The following ARHGEF10L variants were observed in gnomAD, a reference collection of about 807,000 sequenced individuals.
ARHGEF10L encodes Rho guanine nucleotide exchange factor 10 like, also known as rho guanine nucleotide exchange factor 10-like protein.
Under a neutral mutation model 141.2 loss-of-function variants are expected in ARHGEF10L, and 69 were observed. That is an observed-to-expected ratio of 0.49 (90% CI 0.40 to 0.60). ARHGEF10L has a LOEUF of 0.60. ARHGEF10L is among the 20% of genes least tolerant of loss of function. The pLI is 0.00. For synonymous variants in ARHGEF10L, 711 were observed against 718.5 expected, an observed-to-expected ratio of 0.99 and a Z score of 0.17; for missense variants, 1,482 against 1,734.3, an observed-to-expected ratio of 0.85 and a Z score of 2.58.
At chr1:17,663,601 C>T (rs1456838118) in intron 25 of ARHGEF10L, among the ~76,000 whole-genome samples, 1 of 151,486 alleles carries the variant, frequency 6.6e-6, no homozygotes, top group Non-Finnish European at 1.5e-5. Context: ...CCTCACCTGG[C>T]AGCAGTGGTG....
At chr1:17,618,483 C>T (rs752268096) in intron 9 of ARHGEF10L, 46 of 1,465,362 alleles carry the variant, frequency 3.1e-5, no homozygotes, top group South Asian at 8.3e-5. Context: ...CGCCGTCATC[C>T]GCTGTCCCTC....
intron 4 of ARHGEF10L, among the ~76,000 whole-genome samples, chr1:17,598,361 C>T (rs1171303814): frequency 6.6e-6 from 1 of 152,180 alleles, no homozygotes; most frequent in African/African-American, 2.4e-5. Flanking sequence ...CTTAACCTTC[C>T]GAAGTTCAGG....
intron 26 of ARHGEF10L, among the ~76,000 whole-genome samples, chr1:17,682,672 C>T (rs548744849): frequency 6.6e-6 from 1 of 152,136 alleles, no homozygotes; most frequent in South Asian, 2.1e-4. Flanking sequence ...TGAGCGCTCA[C>T]CCAGTAAATA....
chr1:17,684,314 C>T (rs1295919861), intron 26 of ARHGEF10L, among the ~76,000 whole-genome samples: 1 of 152,174 alleles, frequency 6.6e-6, no homozygotes, highest in African/African-American at 2.4e-5. Context: ...ACATACATCG[C>T]AGGAAGAGAG....
the ARHGEF10L span, among the ~76,000 whole-genome samples, chr1:17,532,478 G>T: frequency 6.6e-6 from 1 of 152,168 alleles, no homozygotes; most frequent in Admixed American, 6.5e-5. Flanking sequence ...GGCCCCCTGG[G>T]GCCTGTGGGG....
intron 22 of ARHGEF10L, among the ~76,000 whole-genome samples, chr1:17,650,732 CAAAAAAAAAAAA>C (rs71575854): frequency 3.0e-4 from 23 of 77,896 alleles, no homozygotes; most frequent in African/African-American, 1.2e-3. Context: ...GACCCTGTCT[CAAAAAAAAAAAA>C]AAAAAAAAAA....
At position 17,639,792 on chromosome 1, in the gene ARHGEF10L, G is replaced by T. The variant is rs750814861; in HGVS notation, c.2172-410G>T. 10 of 1,229,982 alleles carry T rather than the reference G, an allele frequency of 8.1e-6. No homozygotes were observed. Among genetic ancestry groups the T allele is most frequent in the Non-Finnish European group, 7.5e-6 (7 of 930,150 alleles). The allele number at this position is 1,229,982 out of a possible 1,614,324, so 76.2% of individuals were successfully genotyped here. On this transcript the variant is annotated intron_variant, in intron 20 of 28. Transcript: ENST00000361221. The surrounding 1 kb of genome is among the most constrained non-coding windows in gnomAD (Gnocchi z 4.3). Reference sequence around the variant, plus strand: ...ACTGAGCAACTGTCCCATGCCAGGTGCTGGGAACAGACCCAAGTGAGACCC... The same window carrying T: ...ACTGAGCAACTGTCCCATGCCAGGTTCTGGGAACAGACCCAAGTGAGACCC...
rs2060094955 is a variant in ARHGEF10L at position 17,621,279 on chromosome 1, C to A, written c.943-585C>A. On this transcript the variant is annotated intron_variant, in intron 10 of 28. Transcript: ENST00000361221. The surrounding 1 kb of genome is among the most constrained non-coding windows in gnomAD (Gnocchi z 4.1). ...ATGGAGTCTTGCTCTGTTGCCCAGGCTGGAGTGCAGTGGCGCGATCTTGGC... is the reference window on the plus strand; with the variant it reads ...ATGGAGTCTTGCTCTGTTGCCCAGGATGGAGTGCAGTGGCGCGATCTTGGC... 6.6e-6 allele frequency among the ~76,000 whole-genome samples: 1 copy of A among 152,142 alleles called. No homozygotes were observed. Among genetic ancestry groups the A allele is most frequent in the South Asian group, 2.1e-4 (1 of 4,822 alleles).
rs1380238242 is a variant in ARHGEF10L at position 17,624,662 on chromosome 1, A to T, written c.1317+159A>T. On this transcript the variant is annotated intron_variant, in intron 13 of 28. Transcript: ENST00000361221. Reference sequence around the variant, plus strand: ...GGCAGCCCAGTCCCATGGGAAGAAAATCGTTCCCTCCTGCCCCTGGGAGGA... The same window carrying T: ...GGCAGCCCAGTCCCATGGGAAGAAATTCGTTCCCTCCTGCCCCTGGGAGGA... 2.6e-5 allele frequency among the ~76,000 whole-genome samples: 4 copies of T among 152,156 alleles called. No homozygotes were observed. In the East Asian group the frequency reaches 5.8e-4, roughly 22 times the overall value.
At chr1:17,608,970 A>T (rs2059400294) in intron 7 of ARHGEF10L, among the ~76,000 whole-genome samples, 1 of 151,964 alleles carries the variant, frequency 6.6e-6, no homozygotes, top group African/African-American at 2.4e-5. Flanking sequence ...TTTTGTAGAG[A>T]TGGGGTTTCG....
intron 27 of ARHGEF10L, chr1:17,694,281 G>A (rs887024187): frequency 6.5e-6 from 1 of 153,934 alleles, no homozygotes; most frequent in African/African-American, 2.4e-5. Context: ...TATTATCCTT[G>A]GCCCCTTTTA....
At chr1:17,528,614 A>C in the ARHGEF10L span, among the ~76,000 whole-genome samples, 1 of 152,010 alleles carries the variant, frequency 6.6e-6, no homozygotes, top group Non-Finnish European at 1.5e-5. Context: ...CATAATTTTC[A>C]TCCATCCATC....
chr1:17,620,673 G>A (rs1445982725), intron 10 of ARHGEF10L, among the ~76,000 whole-genome samples: 1 of 152,182 alleles, frequency 6.6e-6, no homozygotes, highest in Non-Finnish European at 1.5e-5. Context: ...AGGGCAGGGA[G>A]CCGGGGTTCT....
At chr1:17,541,184 T>C (rs575927318) in intron 1 of ARHGEF10L, among the ~76,000 whole-genome samples, 57 of 152,262 alleles carry the variant, frequency 3.7e-4, no homozygotes, top group African/African-American at 1.0e-3. Context: ...AGAGCCTCTG[T>C]GGGCTGTTCT....
In ARHGEF10L at chr1:17,639,957, A is replaced by G; in HGVS notation, c.2172-245A>G. ...AGAGGCTCCTGGAGCCAGGCTGGGG[A>G]GCGTGGCTCAGCCACCCTGGCCAGG... On this transcript the variant is annotated intron_variant, in intron 20 of 28. Coordinates refer to ENST00000361221, the MANE Select transcript of ARHGEF10L (RefSeq NM_018125.4). The surrounding 1 kb of genome is among the most constrained non-coding windows in gnomAD (Gnocchi z 4.3). The G allele has an allele frequency of 6.7e-7, 1 of 1,487,828 alleles. No homozygotes were observed. The highest frequency in any genetic ancestry group is 9.0e-7 in the Non-Finnish European group (1 of 1,117,034). 92.2% of individuals were successfully genotyped at this position (1,487,828 alleles called of 1,614,324 possible). A position where few individuals can be genotyped will look rare whatever the true frequency, so the allele number is the denominator to read the frequency against.
intron 2 of ARHGEF10L, among the ~76,000 whole-genome samples, chr1:17,584,189 T>TGTAGTAG (rs2078832455): frequency 6.6e-6 from 1 of 151,948 alleles, no homozygotes; most frequent in African/African-American, 2.4e-5. Context: ...GGACTACAGG[T>TGTAGTAG]GTATGCTACT....
At chr1:17,568,450 A>G (rs748699361) in intron 1 of ARHGEF10L, among the ~76,000 whole-genome samples, 1 of 152,122 alleles carries the variant, frequency 6.6e-6, no homozygotes, top group Non-Finnish European at 1.5e-5. Context: ...AAAAATCCCT[A>G]CCCAGGGCAT....
chr1:17,534,513 G>A, the ARHGEF10L span, among the ~76,000 whole-genome samples: 1 of 151,726 alleles, frequency 6.6e-6, no homozygotes, highest in Non-Finnish European at 1.5e-5. Flanking sequence ...CACCCACCTC[G>A]GCCTCCCAAA....
At chr1:17,617,013 A>G (rs938842477) in intron 9 of ARHGEF10L, among the ~76,000 whole-genome samples, 1 of 152,144 alleles carries the variant, frequency 6.6e-6, no homozygotes, top group African/African-American at 2.4e-5. Flanking sequence ...TCACATTCCC[A>G]CGCAGCAGAT....
Sources: gnomAD v4.1 joint callset for allele counts (sites outside exome capture counted in the v4.1 genomes callset) on GRCh38, gnomAD v4.1.1 for gene constraint, Gnocchi (gnomAD v3.1) non-coding constraint, MANE v1.5 for transcripts, NCBI Gene and HGNC (gene_info 2026-07-23, HGNC 2026-07-21) for gene names.